The following EYS variants were observed in gnomAD, a reference collection of about 807,000 sequenced individuals.
EYS encodes EGF-like photoreceptor maintenance factor.
Under a neutral mutation model 282.1 loss-of-function variants are expected in EYS, and 250 were observed. That is an observed-to-expected ratio of 0.89 (90% confidence interval 0.80 to 0.98). The LOEUF (loss-of-function observed/expected upper bound fraction) is 0.98, where lower values mean the gene tolerates loss of function less well. Ranked by LOEUF, EYS falls within the 50% of genes least tolerant of loss-of-function variation. The pLI, the probability that EYS is intolerant of heterozygous loss-of-function variation, is 0.00. For synonymous variants in EYS, 1,355 were observed against 1,282.9 expected (o/e 1.06, Z -1.20); for missense variants, 4,016 against 3,709.0 (o/e 1.08, Z -2.15).
intron 35 of EYS, among the ~76,000 whole-genome samples, chr6:63,903,096 A>C (rs1041972718): frequency 1.3e-5 from 2 of 152,318 alleles, no homozygotes; most frequent in African/African-American, 4.8e-5. Context: ...ACCAGTTGTC[A>C]CAGTCATATA....
intron 35 of EYS, among the ~76,000 whole-genome samples, chr6:63,952,407 G>A (rs1429682261): frequency 6.6e-6 from 1 of 152,188 alleles, no homozygotes; most frequent in Non-Finnish European, 1.5e-5. Context: ...AGATGCTTTG[G>A]GTAATTCTTA....
intron 2 of EYS, among the ~76,000 whole-genome samples, chr6:65,582,175 G>A (rs1025234044): frequency 4.0e-5 from 6 of 148,680 alleles, no homozygotes; most frequent in East Asian, 2.0e-4. Flanking sequence ...CAGCCTGGTC[G>A]ACAGAGTGAG....
At position 65,332,707 on chromosome 6, in the gene EYS, C is replaced by T. The variant is rs182507104; in HGVS notation, c.1766+2273G>A. ...TTTTGGAGGAGGTGGTGAATAACTA[C>T]TCTTAATTTTGCTTTAAATATCTGT... On this transcript the variant is annotated intron_variant, in intron 11 of 42. Transcript: ENST00000503581. Among the ~76,000 whole-genome samples, 121 of 151,114 alleles carry T rather than the reference C, an allele frequency of 8.0e-4. 1 individual carries two copies. Among genetic ancestry groups the T allele is most frequent in the African/African-American group, 2.6e-3 (108 of 41,404 alleles).
At chr6:64,798,140 A>G (rs1774418049) in intron 22 of EYS, among the ~76,000 whole-genome samples, 2 of 151,922 alleles carry the variant, frequency 1.3e-5, no homozygotes, top group Non-Finnish European at 2.9e-5. Flanking sequence ...ATTTTGTCAC[A>G]CCTACATATG....
At chr6:65,201,942 A>G (rs879369928) in intron 12 of EYS, among the ~76,000 whole-genome samples, 3 of 151,938 alleles carry the variant, frequency 2.0e-5, no homozygotes, top group Admixed American at 2.0e-4. Context: ...GCGAGACCCC[A>G]TTTCTACATA....
At chr6:65,666,957 TAAA>T (rs200796849) in intron 1 of EYS, among the ~76,000 whole-genome samples, 3 of 141,280 alleles carry the variant, frequency 2.1e-5, no homozygotes, top group Non-Finnish European at 1.6e-5. Context: ...CCACCCAATG[TAAA>T]AAAAAAAAAG....
intron 29 of EYS, among the ~76,000 whole-genome samples, chr6:64,326,025 C>T (rs926623917): frequency 1.3e-5 from 2 of 152,064 alleles, no homozygotes; most frequent in Admixed American, 6.5e-5. Context: ...TTGTTAGAGA[C>T]CTAGACATCC....
intron 12 of EYS, among the ~76,000 whole-genome samples, chr6:65,289,299 C>T (rs562917000): frequency 6.6e-6 from 1 of 151,058 alleles, no homozygotes; most frequent in Admixed American, 6.6e-5. Context: ...ATGAGGACCT[C>T]TAACTCATTT....
chr6:64,378,180 G>C (rs868662944), intron 29 of EYS, among the ~76,000 whole-genome samples: 22 of 151,422 alleles, frequency 1.5e-4, no homozygotes, highest in African/African-American at 5.1e-4. Flanking sequence ...GACAACATCA[G>C]TGACAGTGAA....
At chr6:65,424,024 C>A (rs1186529842) in intron 5 of EYS, among the ~76,000 whole-genome samples, 2 of 151,856 alleles carry the variant, frequency 1.3e-5, no homozygotes, top group East Asian at 3.9e-4. Flanking sequence ...TAACTTTAAT[C>A]CTAGCTTTCT....
At chr6:64,561,176 C>T (rs1004859316) in intron 26 of EYS, among the ~76,000 whole-genome samples, 1 of 152,038 alleles carries the variant, frequency 6.6e-6, no homozygotes, top group African/African-American at 2.4e-5. Context: ...GAATATACTT[C>T]AAAATAGTAA....
At chr6:65,203,589 A>G (rs1249700256) in intron 12 of EYS, among the ~76,000 whole-genome samples, 1 of 152,198 alleles carries the variant, frequency 6.6e-6, no homozygotes, top group Non-Finnish European at 1.5e-5. Flanking sequence ...CATGTAAATG[A>G]AAGTTAATTT....
At chr6:64,780,171 A>G (rs932303492) in intron 22 of EYS, among the ~76,000 whole-genome samples, 8 of 152,218 alleles carry the variant, frequency 5.3e-5, no homozygotes, top group African/African-American at 1.7e-4. Context: ...ACATATGTAA[A>G]TGAAGCAGAT....
intron 1 of EYS, among the ~76,000 whole-genome samples, chr6:65,675,459 C>A (rs1156556570): frequency 2.0e-5 from 3 of 151,672 alleles, no homozygotes. Flanking sequence ...CAAAAGAAGG[C>A]AGAGGTAGCC....
intron 22 of EYS, among the ~76,000 whole-genome samples, chr6:64,630,395 C>A (rs1450867765): frequency 1.3e-5 from 2 of 152,138 alleles, no homozygotes; most frequent in African/African-American, 2.4e-5. Context: ...CCACACCTGG[C>A]CTATTCTTAG....
chr6:65,564,150 G>A (rs138260035), intron 2 of EYS, among the ~76,000 whole-genome samples: 6 of 152,018 alleles, frequency 3.9e-5, no homozygotes, highest in Admixed American at 1.3e-4. Context: ...AAAACATTGC[G>A]TGCTCATAGA....
chr6:65,446,197 T>C (rs911366707), intron 5 of EYS, among the ~76,000 whole-genome samples: 6 of 151,780 alleles, frequency 4.0e-5, no homozygotes, highest in Non-Finnish European at 8.9e-5. Context: ...AGATAATACA[T>C]CAATATTGAG....
At chr6:63,907,370 G>C (rs985274474) in intron 35 of EYS, among the ~76,000 whole-genome samples, 1 of 152,078 alleles carries the variant, frequency 6.6e-6, no homozygotes, top group African/African-American at 2.4e-5. Flanking sequence ...TGAGGGGATT[G>C]CTTCTATCCC....
intron 19 of EYS, among the ~76,000 whole-genome samples, chr6:64,865,997 C>T (rs1766413902): frequency 6.6e-6 from 1 of 151,914 alleles, no homozygotes; most frequent in South Asian, 2.1e-4. Context: ...TAATTACAGA[C>T]AGTTTGGAGA....
Sources: allele counts gnomAD v4.1 joint callset (sites outside exome capture counted in the v4.1 genomes callset), GRCh38; gene constraint gnomAD v4.1.1; transcripts MANE v1.5; gene names NCBI Gene and HGNC (gene_info 2026-07-23, HGNC 2026-07-21).